The following ERG variants were observed in gnomAD, a reference collection of about 807,000 sequenced individuals.
ERG encodes the protein ETS transcription factor ERG, also known as transcriptional regulator ERG.
Under a neutral mutation model 55.3 loss-of-function variants are expected in ERG, and 9 were observed. The observed-to-expected ratio is 0.16, with a 90% confidence interval of 0.10 to 0.28. The LOEUF is 0.28. Ranked by LOEUF, ERG falls within the 10% of genes least tolerant of loss-of-function variation. The probability of loss-of-function intolerance (pLI) is 1.00; values close to 1 mark genes in which losing one functional copy is unlikely to be tolerated. For synonymous variants in ERG, 223 were observed against 237.3 expected (o/e 0.94, Z 0.55); for missense variants, 434 against 631.6 (o/e 0.69, Z 3.35).
chr21:38,526,785 T>C (rs1313829503), intron 2 of ERG, among the ~76,000 whole-genome samples: 3 of 152,110 alleles, frequency 2.0e-5, no homozygotes, highest in Non-Finnish European at 4.4e-5. Flanking sequence ...AATGTTACCG[T>C]TTAAAATAAA....
intron 1 of ERG, among the ~76,000 whole-genome samples, chr21:38,590,218 A>G (rs75095359): frequency 0.014 from 2,112 of 152,306 alleles, 47 homozygotes; most frequent in African/African-American, 0.046. Flanking sequence ...TATACTTTAA[A>G]TTAAATTACT....
chr21:38,610,372 T>C (rs565995867), intron 1 of ERG, among the ~76,000 whole-genome samples: 1 of 152,364 alleles, frequency 6.6e-6, no homozygotes, highest in South Asian at 2.1e-4. Context: ...TGCGGGCTTC[T>C]ATGCAAACGG....
chr21:38,654,907 T>C (rs2060509888), intron 1 of ERG, among the ~76,000 whole-genome samples: 1 of 151,670 alleles, frequency 6.6e-6, no homozygotes, highest in Non-Finnish European at 1.5e-5. Flanking sequence ...TTGGGTATAA[T>C]TTTAATGAGA....
intron 1 of ERG, among the ~76,000 whole-genome samples, chr21:38,635,700 C>T (rs982460563): frequency 6.6e-6 from 1 of 152,118 alleles, no homozygotes; most frequent in Non-Finnish European, 1.5e-5. Context: ...TTTGCAATAA[C>T]CTTTTCTGTG....
chr21:38,649,562 G>A (rs1387513867), intron 1 of ERG, among the ~76,000 whole-genome samples: 1 of 152,204 alleles, frequency 6.6e-6, no homozygotes, highest in Non-Finnish European at 1.5e-5. Context: ...GTAACCTCAA[G>A]TGAATTATTT....
intron 1 of ERG, among the ~76,000 whole-genome samples, chr21:38,485,170 G>A (rs2059271563): frequency 6.6e-6 from 1 of 152,006 alleles, no homozygotes; most frequent in Non-Finnish European, 1.5e-5. Flanking sequence ...GAAAAACAGT[G>A]ATATTGATGA....
At chr21:38,532,252 G>A (rs1046185279) in intron 2 of ERG, among the ~76,000 whole-genome samples, 1 of 152,030 alleles carries the variant, frequency 6.6e-6, no homozygotes, top group Non-Finnish European at 1.5e-5. Context: ...GTGAGTCCAG[G>A]GTGCTAATTT....
At chr21:38,419,271 G>A (rs1989431045) in intron 3 of ERG, among the ~76,000 whole-genome samples, 1 of 152,234 alleles carries the variant, frequency 6.6e-6, no homozygotes, top group Non-Finnish European at 1.5e-5. Context: ...TGCCCAGAAT[G>A]CCTGGTGGCG....
chr21:38,414,997 C>A (rs886703664), intron 3 of ERG, among the ~76,000 whole-genome samples: 1 of 152,212 alleles, frequency 6.6e-6, no homozygotes, highest in Non-Finnish European at 1.5e-5. Flanking sequence ...TCCCTCTCCA[C>A]CTCCTTTGTT....
At chr21:38,391,568 T>C in intron 8 of ERG, 91 bp downstream of exon 8, 1 of 1,084,334 alleles carries the variant, frequency 9.2e-7, no homozygotes, top group Non-Finnish European at 1.4e-6. Context: ...AACAATCATG[T>C]TAATTTCCAT....
rs530315323 is a variant in ERG at position 38,654,453 on chromosome 21, C to G, written c.-150+7205G>C. Among the ~76,000 whole-genome samples the G allele has an allele frequency of 2.6e-5, 4 of 152,368 alleles. No individual in the cohort carries two copies. In the East Asian group the frequency reaches 7.7e-4, roughly 29 times the overall value. On this transcript the variant is annotated intron_variant, in intron 1 of 10. Coordinates refer to the ERG transcript ENST00000398910. ...TGCCATTGCACTCCAGCCTGGGCAACAGAGCAAGGCTCCATCTCTAAATAA... is the reference window on the plus strand; with the variant it reads ...TGCCATTGCACTCCAGCCTGGGCAAGAGAGCAAGGCTCCATCTCTAAATAA...
intron 1 of ERG, among the ~76,000 whole-genome samples, chr21:38,612,044 G>A (rs904528734): frequency 6.6e-6 from 1 of 152,086 alleles, no homozygotes; most frequent in African/African-American, 2.4e-5. Flanking sequence ...AGTTATATGT[G>A]CTCTAGCTCA....
chr21:38,646,609 C>T (rs940216301), intron 1 of ERG, among the ~76,000 whole-genome samples: 2 of 152,170 alleles, frequency 1.3e-5, no homozygotes, highest in Non-Finnish European at 2.9e-5. Flanking sequence ...AGCTACAGGG[C>T]GTGGGTGGGT....
chr21:38,500,016 ATGGCAGGC>A (rs1483129964), upstream of ERG, among the ~76,000 whole-genome samples: 3 of 151,088 alleles, frequency 2.0e-5, no homozygotes, highest in Non-Finnish European at 4.4e-5. Flanking sequence ...AATGAATAAG[ATGGCAGGC>A]TGATTAAAAT....
intron 2 of ERG, among the ~76,000 whole-genome samples, chr21:38,436,177 T>TA (rs397712884): frequency 6.6e-6 from 1 of 151,362 alleles, no homozygotes; most frequent in Non-Finnish European, 1.5e-5. Flanking sequence ...ATTTTTTTTT[T>TA]AATATATATT....
intron 1 of ERG, among the ~76,000 whole-genome samples, chr21:38,591,378 G>C: frequency 6.6e-6 from 1 of 152,316 alleles, no homozygotes. Flanking sequence ...GCTACTCATA[G>C]AAGAAGTTGA....
chr21:38,593,875 G>A (rs2060115913), intron 1 of ERG, among the ~76,000 whole-genome samples: 1 of 152,140 alleles, frequency 6.6e-6, no homozygotes, highest in Non-Finnish European at 1.5e-5. Flanking sequence ...TTTGATACTT[G>A]TAGGAGGCAG....
chr21:38,588,533 G>C (rs1253935908), upstream of ERG, among the ~76,000 whole-genome samples: 1 of 152,152 alleles, frequency 6.6e-6, no homozygotes, highest in Non-Finnish European at 1.5e-5. Flanking sequence ...TGGTGAGGCA[G>C]AAAGAACCTT....
intron 1 of ERG, among the ~76,000 whole-genome samples, chr21:38,600,570 T>C (rs2060158799): frequency 6.6e-6 from 1 of 152,122 alleles, no homozygotes; most frequent in Non-Finnish European, 1.5e-5. Context: ...GAATCCAACA[T>C]CACATGGACC....
Sources: gnomAD v4.1 joint callset for allele counts (sites outside exome capture counted in the v4.1 genomes callset) on GRCh38, gnomAD v4.1.1 for gene constraint, MANE v1.5 for transcripts, NCBI Gene and HGNC (gene_info 2026-07-23, HGNC 2026-07-21) for gene names.